The following NFATC1 variants were observed in gnomAD, a reference collection of about 807,000 sequenced individuals.
NFATC1 encodes nuclear factor of activated T-cells, cytoplasmic 1.
In NFATC1, 22 loss-of-function variants were observed where a neutral mutation model predicts 76.0. The observed-to-expected ratio is 0.29, with a 90% confidence interval of 0.21 to 0.41. NFATC1 has a LOEUF of 0.41. Among genes scored for constraint, NFATC1 ranks in the 10% least tolerant of loss-of-function variants. The pLI is 1.00. For synonymous variants in NFATC1, 704 were observed against 613.1 expected, an observed-to-expected ratio of 1.15 and a Z score of -2.19; for missense variants, 1,357 against 1,337.7, an observed-to-expected ratio of 1.01 and a Z score of -0.23.
chr18:79,465,661 T>C lies in NFATC1; in HGVS notation c.1960-1789T>C, dbSNP rs1238020355. 6.6e-6 allele frequency among the ~76,000 whole-genome samples: 1 copy of C among 152,252 alleles called. No homozygotes were observed. The highest frequency in any genetic ancestry group is 1.5e-5 in the Non-Finnish European group (1 of 68,046). On this transcript the variant is annotated intron_variant, in intron 7 of 9. Coordinates refer to ENST00000427363, the MANE Select transcript of NFATC1 (RefSeq NM_001278669.2). The surrounding 1 kb of genome is among the most constrained non-coding windows in gnomAD (Gnocchi z 4.2). The stretch of plus-strand genomic sequence containing the variant: ...TCAGTCTCGGCTTCCATGAGACGTT[T>C]CCTTCTTGTCTCTTCCCTCAGCTGC...
chr18:79,444,818 C>T (rs2087138951), intron 3 of NFATC1, among the ~76,000 whole-genome samples: 1 of 152,272 alleles, frequency 6.6e-6, no homozygotes, highest in Non-Finnish European at 1.5e-5. Flanking sequence ...CACACGCACA[C>T]TTCTGGTGCA....
intron 6 of NFATC1, among the ~76,000 whole-genome samples, chr18:79,452,728 G>A (rs980401556): frequency 2.0e-5 from 3 of 152,226 alleles, no homozygotes; most frequent in Admixed American, 6.5e-5. Context: ...CTGGCTCTCC[G>A]CAAAGCCTGC....
At chr18:79,420,003 G>A (rs754476343) in intron 2 of NFATC1, among the ~76,000 whole-genome samples, 20 of 152,206 alleles carry the variant, frequency 1.3e-4, no homozygotes, top group Non-Finnish European at 1.9e-4. Context: ...TGGGTTAGAC[G>A]CACAGGGCTT....
chr18:79,400,639 C>T (rs1188112132), intron 1 of NFATC1, among the ~76,000 whole-genome samples: 2 of 150,638 alleles, frequency 1.3e-5, no homozygotes, highest in African/African-American at 2.4e-5. Flanking sequence ...TGCGGGGCGT[C>T]CTGGGCTCGG....
chr18:79,496,371 A>G (rs2089886958), intron 9 of NFATC1: 1 of 152,296 alleles, frequency 6.6e-6, no homozygotes, highest in African/African-American at 2.4e-5. Context: ...AAAGCATAAC[A>G]GCCACATTCA....
chr18:79,436,702 C>T (rs879873854), intron 3 of NFATC1, among the ~76,000 whole-genome samples: 5 of 152,162 alleles, frequency 3.3e-5, no homozygotes, highest in South Asian at 2.1e-4. Flanking sequence ...GATAGGTGCT[C>T]GCTCTTACTT....
intron 3 of NFATC1, among the ~76,000 whole-genome samples, chr18:79,435,349 T>TTTGG (rs2086735628): frequency 6.6e-6 from 1 of 151,038 alleles, no homozygotes. Context: ...TTTTGGTTTG[T>TTTGG]TTGTTTTTTT....
At chr18:79,396,633 C>G (rs1012186002) in intron 1 of NFATC1, among the ~76,000 whole-genome samples, 2 of 152,186 alleles carry the variant, frequency 1.3e-5, no homozygotes, top group Non-Finnish European at 2.9e-5. Flanking sequence ...GGAAGCGGCT[C>G]GCAGGCCGGC....
chr18:79,397,216 C>G (rs1341577278), intron 1 of NFATC1, among the ~76,000 whole-genome samples: 1 of 152,156 alleles, frequency 6.6e-6, no homozygotes, highest in Non-Finnish European at 1.5e-5. Context: ...GAGGTGTGAG[C>G]ATACGAGTTA....
chr18:79,434,649 G>A (rs942017350), intron 3 of NFATC1, among the ~76,000 whole-genome samples: 27 of 152,258 alleles, frequency 1.8e-4, no homozygotes, highest in Non-Finnish European at 8.8e-5. Context: ...GCAAAAAACC[G>A]GGTGCCCCAG....
At chr18:79,409,281 C>A (rs1433511426) in intron 1 of NFATC1, among the ~76,000 whole-genome samples, 1 of 103,216 alleles carries the variant, frequency 9.7e-6, no homozygotes, top group Non-Finnish European at 2.2e-5. Flanking sequence ...ATCATCCATC[C>A]ATCATTATCT....
intron 9 of NFATC1, among the ~76,000 whole-genome samples, chr18:79,492,044 G>C (rs1667673): frequency 0.63 from 96,366 of 152,174 alleles, 30,582 homozygotes; most frequent in Middle Eastern, 0.67. Context: ...TCTGTGCGTA[G>C]TGGTTTTTCA....
At chr18:79,480,110 C>G (rs144482990) in intron 8 of NFATC1, among the ~76,000 whole-genome samples, 1 of 152,360 alleles carries the variant, frequency 6.6e-6, no homozygotes, top group African/African-American at 2.4e-5. Context: ...GGCCAAGGGA[C>G]CTGGACTGGC....
At chr18:79,518,067 C>T (rs1010756406) in intron 9 of NFATC1, among the ~76,000 whole-genome samples, 15 of 152,214 alleles carry the variant, frequency 9.9e-5, no homozygotes, top group Non-Finnish European at 1.5e-5. Flanking sequence ...AGCCTGAGGG[C>T]GTCGTTGTCT....
intron 2 of NFATC1, among the ~76,000 whole-genome samples, chr18:79,426,791 G>C (rs1453098970): frequency 2.6e-5 from 4 of 152,362 alleles, no homozygotes; most frequent in African/African-American, 9.6e-5. Flanking sequence ...GGGAAGCTGG[G>C]GGGAGGCAAT....
chr18:79,453,314 C>A (rs530889934), intron 6 of NFATC1, among the ~76,000 whole-genome samples: 158 of 152,382 alleles, frequency 1.0e-3, no homozygotes, highest in African/African-American at 3.1e-3. Context: ...GCCTGGGCAC[C>A]TTGGCAGAGC....
intron 2 of NFATC1, chr18:79,421,563 C>G (rs555749642): frequency 6.6e-6 from 1 of 152,530 alleles, no homozygotes; most frequent in African/African-American, 2.4e-5. Context: ...AATGGAGACA[C>G]GTGGAAACTT....
At chr18:79,518,071 G>C (rs116844899) in intron 9 of NFATC1, among the ~76,000 whole-genome samples, 7 of 152,150 alleles carry the variant, frequency 4.6e-5, no homozygotes, top group Non-Finnish European at 7.3e-5. Context: ...TGAGGGCGTC[G>C]TTGTCTGTGC....
chr18:79,476,901 T>C (rs2089096375), intron 8 of NFATC1, among the ~76,000 whole-genome samples: 1 of 152,206 alleles, frequency 6.6e-6, no homozygotes, highest in African/African-American at 2.4e-5. Context: ...CTGGAAACCT[T>C]GGAACGCGCT....
Sources: allele counts gnomAD v4.1 joint callset (sites outside exome capture counted in the v4.1 genomes callset), GRCh38; gene constraint gnomAD v4.1.1; non-coding constraint Gnocchi (gnomAD v3.1); transcripts MANE v1.5; gene names NCBI Gene and HGNC (gene_info 2026-07-23, HGNC 2026-07-21).